HACD2: variants seen among roughly 807,000 people sequenced by gnomAD.
HACD2 encodes 3-hydroxyacyl-CoA dehydratase 2, also known as very-long-chain (3R)-3-hydroxyacyl-CoA dehydratase 2.
HACD2 carries 15 observed loss-of-function variants against 31.0 expected under a neutral mutation model. The ratio of observed to expected loss-of-function variants is 0.48; its 90% CI spans 0.32 to 0.75. The LOEUF is 0.75. Among genes scored for constraint, HACD2 ranks in the 30% least tolerant of loss-of-function variants. The pLI is 0.03. For synonymous variants in HACD2, 115 were observed against 122.2 expected (o/e 0.94, Z 0.39); for missense variants, 283 against 313.0 (o/e 0.90, Z 0.72).
At chr3:123,547,161 T>C (rs1207897150) in intron 3 of HACD2, among the ~76,000 whole-genome samples, 1 of 152,212 alleles carries the variant, frequency 6.6e-6, no homozygotes, top group African/African-American at 2.4e-5. Flanking sequence ...TTATAAATAG[T>C]TGATTGCCCT....
chr3:123,494,843 G>T lies in HACD2; in HGVS notation c.*45C>A, dbSNP rs573371567. ...ACTCAAAAAATCTGCAGCATTTTTT[G>T]ATCATTGAAAAGTTTGTTTTGGTGG... is the stretch of plus-strand genomic sequence containing the variant. On this transcript the variant is annotated 3_prime_UTR_variant, in exon 7 of 7. Coordinates refer to ENST00000383657, the MANE Select transcript of HACD2 (RefSeq NM_198402.5). 3.2e-6 allele frequency: 4 copies of T among 1,248,022 alleles called. No homozygotes were observed. The highest frequency in any genetic ancestry group is 2.7e-5 in the South Asian group (2 of 74,558). The allele number at this position is 1,248,022 out of a possible 1,614,324, so 77.3% of individuals were successfully genotyped here. A position where few individuals can be genotyped will look rare whatever the true frequency, so the allele number is the denominator to read the frequency against.
At position 123,492,253 on chromosome 3, in the gene HACD2, C is replaced by G. The variant is rs527736305; in HGVS notation, c.*2635G>C. The G allele has an allele frequency of 1.3e-5, 2 of 152,312 alleles. No homozygotes were observed. Among genetic ancestry groups the G allele is most frequent in the South Asian group, 4.1e-4 (2 of 4,822 alleles). The allele number at this position is 152,312 out of a possible 1,614,324, so 9.4% of individuals were successfully genotyped here. ...ATTCTCTGTCAGAAGAAGGCCCCCA[C>G]GGAGGGATCTGAAATACATAATCAA... is the stretch of plus-strand genomic sequence containing the variant. On this transcript the variant is annotated 3_prime_UTR_variant, in exon 7 of 7. Transcript: ENST00000383657.
intron 4 of HACD2, among the ~76,000 whole-genome samples, chr3:123,516,435 C>T (rs947596954): frequency 2.0e-5 from 3 of 151,620 alleles, no homozygotes; most frequent in Non-Finnish European, 2.9e-5. Context: ...GGGGTTTCAC[C>T]GTGTTAGCCA....
At chr3:123,583,049 TG>T (rs1489276373) in intron 1 of HACD2, among the ~76,000 whole-genome samples, 1 of 152,226 alleles carries the variant, frequency 6.6e-6, no homozygotes, top group East Asian at 1.9e-4. Context: ...GTATGTCTCC[TG>T]GAAGGATTTA....
chr3:123,527,909 T>TG (rs1267980628), intron 4 of HACD2, among the ~76,000 whole-genome samples: 2 of 152,042 alleles, frequency 1.3e-5, no homozygotes. Flanking sequence ...TGGTATCCAG[T>TG]GGGGGTTTTG....
In HACD2 at chr3:123,517,983, G is replaced by GTTTTAA. The variant is rs1445607010; in HGVS notation, c.381+10402_381+10403insTTAAAA. On this transcript the variant is annotated intron_variant, in intron 4 of 6. Transcript: ENST00000383657. ...CGAGGCGGGCGGATCACGAGGTCAG[G>GTTTTAA]AGATCGAGACCATCCCGGCTAAAAC... is the stretch of plus-strand genomic sequence containing the variant. 0.053 allele frequency among the ~76,000 whole-genome samples: 105 copies of GTTTTAA among 1,992 alleles called. 50 individuals are homozygous for GTTTTAA. In the East Asian group the frequency reaches 1, roughly 19 times the overall value. The allele number at this position is 1,992 out of a possible 152,430, so 1.3% of individuals were successfully genotyped here. A position where few individuals can be genotyped will look rare whatever the true frequency, so the allele number is the denominator to read the frequency against.
chr3:123,521,554 A>G (rs1300241678), intron 4 of HACD2, among the ~76,000 whole-genome samples: 1 of 151,824 alleles, frequency 6.6e-6, no homozygotes, highest in African/African-American at 2.4e-5. Flanking sequence ...AGAATTGACA[A>G]CTAGGAATGG....
At chr3:123,561,580 C>T (rs2056729352) in intron 3 of HACD2, among the ~76,000 whole-genome samples, 1 of 152,064 alleles carries the variant, frequency 6.6e-6, no homozygotes. Context: ...TCTTCAGTTC[C>T]ACTACCTGCA....
At chr3:123,546,149 G>A (rs1023006079) in intron 3 of HACD2, among the ~76,000 whole-genome samples, 7 of 152,204 alleles carry the variant, frequency 4.6e-5, no homozygotes, top group South Asian at 2.1e-4. Context: ...TTATGACCAC[G>A]TATATTACCT....
intron 4 of HACD2, among the ~76,000 whole-genome samples, chr3:123,509,660 G>A (rs572856601): frequency 5.6e-4 from 85 of 151,896 alleles, no homozygotes; most frequent in African/African-American, 1.9e-3. Flanking sequence ...CACCATGCCT[G>A]GCTAATTTTT....
At chr3:123,584,768 G>T in intron 1 of HACD2, 105 bp downstream of exon 1, 1 of 919,102 alleles carries the variant, frequency 1.1e-6, no homozygotes, top group Non-Finnish European at 1.5e-6. Flanking sequence ...CGCCGGGAAT[G>T]CACTGCCTGC....
chr3:123,559,190 T>C (rs1331911264), intron 3 of HACD2, among the ~76,000 whole-genome samples: 1 of 152,180 alleles, frequency 6.6e-6, no homozygotes, highest in Non-Finnish European at 1.5e-5. Flanking sequence ...TTATTAGAAG[T>C]CATCCCGAAG....
intron 4 of HACD2, among the ~76,000 whole-genome samples, chr3:123,509,502 CTTT>C (rs10709116): frequency 2.1e-5 from 2 of 93,488 alleles, no homozygotes; most frequent in African/African-American, 2.9e-5. Context: ...CCTGTGACTT[CTTT>C]TTTTTTTTTT....
chr3:123,545,798 A>G lies in HACD2; in HGVS notation c.293-17324T>C, dbSNP rs377012925. 7.3e-5 allele frequency among the ~76,000 whole-genome samples: 11 copies of G among 150,196 alleles called. No homozygotes were observed. In the South Asian group the frequency reaches 2.3e-3, roughly 32 times the overall value. On this transcript the variant is annotated intron_variant, in intron 3 of 6. Transcript: ENST00000383657. ...GCGATCTTAGCTCACTGCAACCTCCACCTCCTGAGTTCAAGTGATTCTCCT... is the reference window on the plus strand; with the variant it reads ...GCGATCTTAGCTCACTGCAACCTCCGCCTCCTGAGTTCAAGTGATTCTCCT...
intron 6 of HACD2, 51 bp from the exon 7 acceptor site, chr3:123,495,021 CTCTA>C: frequency 5.3e-6 from 6 of 1,139,648 alleles, no homozygotes; most frequent in Non-Finnish European, 6.4e-6. Context: ...ATTGCATATG[CTCTA>C]TTTAAAGCAT....
intron 3 of HACD2, 101 bp downstream of exon 3, chr3:123,567,661 A>G (rs1381068981): frequency 2.5e-6 from 2 of 787,928 alleles, no homozygotes; most frequent in African/African-American, 3.6e-5. Context: ...AAATCATTTC[A>G]TTTTTTCAAT....
intron 6 of HACD2, among the ~76,000 whole-genome samples, chr3:123,497,372 G>A (rs925252065): frequency 1.3e-5 from 2 of 152,312 alleles, no homozygotes; most frequent in Middle Eastern, 3.4e-3. Flanking sequence ...GGGGACGAGG[G>A]GGGTGTGGGT....
At chr3:123,537,080 A>G (rs1340278252) in intron 3 of HACD2, among the ~76,000 whole-genome samples, 1 of 152,250 alleles carries the variant, frequency 6.6e-6, no homozygotes, top group East Asian at 1.9e-4. Flanking sequence ...AATTATGGTC[A>G]TAGACTATAT....
chr3:123,582,369 T>A, intron 1 of HACD2, 40 bp from the exon 2 acceptor site: 5 of 1,399,242 alleles, frequency 3.6e-6, no homozygotes, highest in East Asian at 2.4e-5. Context: ...AAAATAAAAA[T>A]AAAAAAAGTA....
Sources: allele counts gnomAD v4.1 joint callset (sites outside exome capture counted in the v4.1 genomes callset), GRCh38; gene constraint gnomAD v4.1.1; transcripts MANE v1.5; gene names NCBI Gene and HGNC (gene_info 2026-07-23, HGNC 2026-07-21).